HAPLN1: variants seen among roughly 807,000 people sequenced by gnomAD.
The protein encoded by HAPLN1 is hyaluronan and proteoglycan link protein 1.
In HAPLN1, 13 loss-of-function variants were observed where a neutral mutation model predicts 36.5. That is an observed-to-expected ratio of 0.36 (90% CI 0.23 to 0.57). HAPLN1 has a LOEUF of 0.57. Ranked by LOEUF, HAPLN1 falls within the 20% of genes least tolerant of loss-of-function variation. The pLI is 0.83. For missense variants in HAPLN1, 407 were observed against 439.7 expected (o/e 0.93, Z 0.66); for synonymous variants, 202 against 169.8 (o/e 1.19, Z -1.48).
intron 2 of HAPLN1, among the ~76,000 whole-genome samples, chr5:83,663,799 C>CTT (rs71605866): frequency 0.012 from 1,483 of 121,858 alleles, 22 homozygotes; most frequent in Non-Finnish European, 0.018. Context: ...TCTTCCTTCA[C>CTT]TTTTTTTTTT....
intron 2 of HAPLN1, among the ~76,000 whole-genome samples, chr5:83,666,165 A>C (rs999818085): frequency 2.0e-5 from 3 of 152,144 alleles, no homozygotes; most frequent in Non-Finnish European, 4.4e-5. Context: ...ATTCCAAAAG[A>C]CTCTTCCAAA....
chr5:83,701,349 G>A (rs1343866700), intron 1 of HAPLN1, among the ~76,000 whole-genome samples: 12 of 152,240 alleles, frequency 7.9e-5, no homozygotes, highest in Non-Finnish European at 1.3e-4. Context: ...CTGTCAGGAA[G>A]AATTTCCTAA....
intron 2 of HAPLN1, among the ~76,000 whole-genome samples, chr5:83,655,858 GA>G (rs944995366): frequency 6.6e-6 from 1 of 152,040 alleles, no homozygotes; most frequent in African/African-American, 2.4e-5. Flanking sequence ...TGTCGTCACA[GA>G]GACCAGCCAG....
chr5:83,669,717 G>A (rs914809504), intron 2 of HAPLN1, among the ~76,000 whole-genome samples: 3 of 151,852 alleles, frequency 2.0e-5, no homozygotes, highest in Admixed American at 1.3e-4. Flanking sequence ...TTCCATAACA[G>A]GGAGGAAGCA....
chr5:83,706,036 A>T (rs1286064225), intron 1 of HAPLN1, among the ~76,000 whole-genome samples: 7 of 151,798 alleles, frequency 4.6e-5, no homozygotes, highest in Admixed American at 3.3e-4. Context: ...ACCTGGAATA[A>T]ACTGATTCCC....
chr5:83,668,587 C>G (rs916196108), intron 2 of HAPLN1, among the ~76,000 whole-genome samples: 3 of 152,262 alleles, frequency 2.0e-5, no homozygotes, highest in African/African-American at 7.2e-5. Context: ...TAAGTGCACA[C>G]AATGTGTCAC....
intron 4 of HAPLN1, among the ~76,000 whole-genome samples, chr5:83,643,353 TAA>T (rs79459806): frequency 0.16 from 17,600 of 111,716 alleles, 1,414 homozygotes; most frequent in South Asian, 0.24. Context: ...TACCCTGTCT[TAA>T]AAAAAAAAAA....
chr5:83,698,728 A>G (rs1046688757), intron 1 of HAPLN1, among the ~76,000 whole-genome samples: 20 of 152,216 alleles, frequency 1.3e-4, no homozygotes, highest in African/African-American at 4.8e-4. Flanking sequence ...ATAATGGATA[A>G]TGAAACTCAG....
intron 2 of HAPLN1, among the ~76,000 whole-genome samples, chr5:83,656,327 CAAAAA>C (rs35902132): frequency 1.7e-5 from 1 of 59,786 alleles, no homozygotes; most frequent in Admixed American, 2.5e-4. Flanking sequence ...GACTACGTCT[CAAAAA>C]AAAAAAAAAA....
At chr5:83,692,832 T>C (rs1466684812) in intron 1 of HAPLN1, among the ~76,000 whole-genome samples, 8 of 152,012 alleles carry the variant, frequency 5.3e-5, no homozygotes, top group Middle Eastern at 3.4e-3. Flanking sequence ...GACAACTGCA[T>C]AACAACATTT....
At chr5:83,647,001 T>C (rs942947374) in intron 3 of HAPLN1, among the ~76,000 whole-genome samples, 11 of 152,206 alleles carry the variant, frequency 7.2e-5, no homozygotes, top group Admixed American at 2.0e-4. Flanking sequence ...GATGGTAACA[T>C]TGGAGAATGC....
Position 83,652,607 on chromosome 5 carries a change from T to A in HAPLN1, c.318A>T (p.Gly106=). 6.2e-7 allele frequency: 1 copy of A among 1,614,148 alleles called. No homozygotes were observed. The highest frequency in any genetic ancestry group is 8.5e-7 in the Non-Finnish European group (1 of 1,179,992). ...VSMGYHKKTY[G]GYQGRVFLKG... is the part of the protein sequence containing the mutation. ...TCAGAAACACTCTACCCTGGTAGCCTCCATAGGTTTTTTTGTGGTATCCCA... is the reference window on the plus strand; with the variant it reads ...TCAGAAACACTCTACCCTGGTAGCCACCATAGGTTTTTTTGTGGTATCCCA... The change falls in exon 3 of 5, where the codon GGA becomes GGT. Residue 106 remains glycine (G), a synonymous_variant. Transcript: ENST00000274341.
At chr5:83,647,530 T>C (rs1345222345) in intron 3 of HAPLN1, among the ~76,000 whole-genome samples, 2 of 152,208 alleles carry the variant, frequency 1.3e-5, no homozygotes, top group Non-Finnish European at 2.9e-5. Flanking sequence ...TTTGTTTACT[T>C]ATTATACTTC....
chr5:83,683,503 C>T (rs1751051538), intron 1 of HAPLN1, among the ~76,000 whole-genome samples: 2 of 152,164 alleles, frequency 1.3e-5, no homozygotes, highest in Admixed American at 6.6e-5. Flanking sequence ...CTGGAATTCT[C>T]ATCAGTGTTG....
intron 1 of HAPLN1, among the ~76,000 whole-genome samples, chr5:83,682,003 G>A (rs779493645): frequency 4.6e-5 from 7 of 152,054 alleles, no homozygotes; most frequent in Non-Finnish European, 1.0e-4. Flanking sequence ...GGGTTTATAT[G>A]GGTAGGAAAT....
At chr5:83,718,993 G>A (rs956207507) in intron 1 of HAPLN1, among the ~76,000 whole-genome samples, 1 of 152,170 alleles carries the variant, frequency 6.6e-6, no homozygotes, top group African/African-American at 2.4e-5. Context: ...AGGCAGGATT[G>A]TTTAGTAGAC....
At chr5:83,684,537 G>A (rs1218130228) in intron 1 of HAPLN1, among the ~76,000 whole-genome samples, 2 of 152,114 alleles carry the variant, frequency 1.3e-5, no homozygotes, top group African/African-American at 2.4e-5. Context: ...GTTTCAGAAA[G>A]GTGATCGTTC....
chr5:83,696,270 T>C (rs1449055544), intron 1 of HAPLN1, among the ~76,000 whole-genome samples: 1 of 152,084 alleles, frequency 6.6e-6, no homozygotes, highest in Non-Finnish European at 1.5e-5. Flanking sequence ...CATAAATAAA[T>C]GGCAAGATAT....
intron 1 of HAPLN1, among the ~76,000 whole-genome samples, chr5:83,705,896 A>G (rs2112633835): frequency 6.6e-6 from 1 of 152,218 alleles, no homozygotes; most frequent in South Asian, 2.1e-4. Flanking sequence ...AGAGGATGTT[A>G]CCACTGACCC....
Sources: allele counts gnomAD v4.1 joint callset (sites outside exome capture counted in the v4.1 genomes callset), GRCh38; gene constraint gnomAD v4.1.1; transcripts MANE v1.5; gene names NCBI Gene and HGNC (gene_info 2026-07-23, HGNC 2026-07-21).